The following EP400 variants were observed in gnomAD, a reference collection of about 807,000 sequenced individuals.
EP400 encodes E1A-binding protein p400.
Under a neutral mutation model 354.1 loss-of-function variants are expected in EP400, and 105 were observed. That is an observed-to-expected ratio of 0.30 (90% CI 0.25 to 0.35). The LOEUF (loss-of-function observed/expected upper bound fraction) is 0.35, where lower values mean the gene tolerates loss of function less well. EP400 is among the 10% of genes least tolerant of loss of function. The pLI, the probability that EP400 is intolerant of heterozygous loss-of-function variation, is 1.00. For synonymous variants in EP400, 1,646 were observed against 1,716.9 expected, an observed-to-expected ratio of 0.96 and a Z score of 1.02; for missense variants, 3,280 against 4,121.0, an observed-to-expected ratio of 0.80 and a Z score of 5.59.
chr12:131,998,910 T>C (rs1193372117), intron 12 of EP400, among the ~76,000 whole-genome samples: 1 of 141,424 alleles, frequency 7.1e-6, no homozygotes, highest in African/African-American at 2.5e-5. Context: ...ACAAAGTCTT[T>C]GTATACAGTC....
In EP400 at chr12:132,013,072, C is replaced by T. The variant is rs553207798; in HGVS notation, c.3505C>T (p.Leu1169Phe). 21 of 1,614,094 alleles carry T rather than the reference C, an allele frequency of 1.3e-5. No individual in the cohort carries two copies. The South Asian group carries it at 2.2e-4, about 17-fold the overall frequency. The change falls in exon 17 of 53, where the codon CTC becomes TTC. Residue 1169 changes from leucine (L) to phenylalanine (F), a missense_variant. This residue lies in a region of EP400 where 242 missense variants were observed against 357.9 expected (regional missense o/e 0.68). Transcript: ENST00000389561. The surrounding 1 kb of genome is among the most constrained non-coding windows in gnomAD (Gnocchi z 4.5). Reference sequence around the variant, plus strand: ...GTCCTACACTCAGTTCTTCCGGGGCCTCACCGCCTTCACACGAGTGCGCTG... The same window carrying T: ...GTCCTACACTCAGTTCTTCCGGGGCTTCACCGCCTTCACACGAGTGCGCTG... ...ITSYTQFFRGLTAFTRVRWKC... is the reference protein window; with the variant it reads ...ITSYTQFFRGFTAFTRVRWKC...
At chr12:132,058,285 G>C (rs60212863) in intron 45 of EP400, among the ~76,000 whole-genome samples, 19,047 of 151,712 alleles carry the variant, frequency 0.13, 1,629 homozygotes, top group African/African-American at 0.24. Flanking sequence ...AGTGGCTTCT[G>C]TGTGCTTGGC....
chr12:131,972,227 A>G (rs11246884), intron 2 of EP400, among the ~76,000 whole-genome samples: 6,316 of 150,336 alleles, frequency 0.042, 458 homozygotes, highest in African/African-American at 0.15. Flanking sequence ...ATCTCGGTTC[A>G]CCGCAAGCTC....
At chr12:131,984,321 G>A (rs1457395633) in intron 5 of EP400, among the ~76,000 whole-genome samples, 3 of 152,160 alleles carry the variant, frequency 2.0e-5, no homozygotes, top group African/African-American at 7.2e-5. Flanking sequence ...ACTGTGATGA[G>A]CGATTTATTG....
Position 132,052,616 on chromosome 12 carries a change from A to G in EP400, c.7395-530A>G, listed in dbSNP as rs1377861676. ...TGATGTGAGTGCTGTGATCGCTGGG[A>G]CTCTAGCGTCTGGGAGCACAGACCC... On this transcript the variant is annotated intron_variant, in intron 41 of 52. Transcript: ENST00000389561. The surrounding 1 kb of genome is among the most constrained non-coding windows in gnomAD (Gnocchi z 4.4). Among the ~76,000 whole-genome samples, 1 of 152,074 alleles carries G rather than the reference A, an allele frequency of 6.6e-6. No homozygotes were observed. The highest frequency in any genetic ancestry group is 1.9e-4 in the East Asian group (1 of 5,186).
chr12:132,025,767 G>A lies in EP400; in HGVS notation c.4977G>A (p.Pro1659=), dbSNP rs113935522. The part of the protein sequence containing the change: ...AVHGALGSKP[P]AGGPSPAPLT... ...ACGGCGCCCTGGGAAGCAAGCCCCC[G>A]GCCGGCGGTCCCAGCCCTGCACCCT... Residue 1659 remains proline, a synonymous_variant, in exon 25 of 53, where the codon CCG becomes CCA. Coordinates refer to ENST00000389561, the MANE Select transcript of EP400 (RefSeq NM_015409.5). This position sits in a 1 kb window ranked among gnomAD's most constrained non-coding sequence, Gnocchi z 4.1. 735 of 1,611,784 alleles carry A rather than the reference G, an allele frequency of 4.6e-4. 9 individuals are homozygous for A. The Middle Eastern group carries it at 0.022, about 48-fold the overall frequency.
chr12:132,003,762 A>G (rs571252101), intron 12 of EP400, among the ~76,000 whole-genome samples: 1 of 152,348 alleles, frequency 6.6e-6, no homozygotes, highest in East Asian at 1.9e-4. Flanking sequence ...CCTGAATTCC[A>G]CAGCCAACAC....
intron 1 of EP400, among the ~76,000 whole-genome samples, chr12:131,958,780 C>G (rs1251688403): frequency 6.6e-6 from 1 of 152,144 alleles, no homozygotes; most frequent in Non-Finnish European, 1.5e-5. Context: ...CTCAGCCTCC[C>G]CAGGTGCTGG....
intron 39 of EP400, among the ~76,000 whole-genome samples, chr12:132,049,162 C>T (rs1895211812): frequency 6.6e-6 from 1 of 152,222 alleles, no homozygotes; most frequent in Non-Finnish European, 1.5e-5. Context: ...CCTGCGGGGG[C>T]TCCAGCAAGC....
Position 132,067,011 on chromosome 12 carries a change from G to A in EP400, c.8749+42G>A, listed in dbSNP as rs749206965. On this transcript the variant is annotated intron_variant, in intron 49 of 52. Coordinates refer to ENST00000389561, the MANE Select transcript of EP400 (RefSeq NM_015409.5). The surrounding 1 kb of genome is among the most constrained non-coding windows in gnomAD (Gnocchi z 5.3). ...ACCCTCCCGTCCTGGGCTTGAGCCT[G>A]GTTTCACAGGCCTCTCTGGTGGCAG... The A allele has an allele frequency of 2.0e-6, 3 of 1,514,468 alleles. No individual in the cohort carries two copies. In the South Asian group the frequency reaches 3.9e-5, roughly 20 times the overall value. The allele number at this position is 1,514,468 out of a possible 1,614,324, so 93.8% of individuals were successfully genotyped here. A position where few individuals can be genotyped will look rare whatever the true frequency, so the allele number is the denominator to read the frequency against.
chr12:132,060,615 G>A lies in EP400; in HGVS notation c.7885-1495G>A, dbSNP rs189436156. Among the ~76,000 whole-genome samples, 23 of 152,240 alleles carry A rather than the reference G, an allele frequency of 1.5e-4. 1 individual carries two copies. The highest frequency in any genetic ancestry group is 5.1e-4 in the African/African-American group (21 of 41,548). ...AGCCTAGGGCTCTGCATCTCTTGGA[G>A]ATATCTTAAAGAACAAGGGAGGCCG... On this transcript the variant is annotated intron_variant, in intron 45 of 52. Coordinates refer to ENST00000389561, the MANE Select transcript of EP400 (RefSeq NM_015409.5).
chr12:132,019,030 A>T (rs1177308925), intron 21 of EP400, among the ~76,000 whole-genome samples: 1 of 152,138 alleles, frequency 6.6e-6, no homozygotes, highest in African/African-American at 2.4e-5. Context: ...ATTTGGCTTC[A>T]CTGGGGACTT....
intron 30 of EP400, among the ~76,000 whole-genome samples, chr12:132,034,479 G>C (rs1894627017): frequency 6.6e-6 from 1 of 152,250 alleles, no homozygotes; most frequent in Admixed American, 6.5e-5. Flanking sequence ...CACACACACG[G>C]TTGGGTAAGG....
Position 132,025,210 on chromosome 12 carries a change from C to T in EP400, c.4856-436C>T, listed in dbSNP as rs1894265100. On this transcript the variant is annotated intron_variant, in intron 24 of 52. Coordinates refer to ENST00000389561, the MANE Select transcript of EP400 (RefSeq NM_015409.5). This position sits in a 1 kb window ranked among gnomAD's most constrained non-coding sequence, Gnocchi z 4.1. ...GTAAAAGAAGTCAGAAAGATGTAGT[C>T]ACACAAGATCCAAAGTGGCAGCCTC... is the stretch of plus-strand genomic sequence containing the variant. Among the ~76,000 whole-genome samples, 1 of 152,160 alleles carries T rather than the reference C, an allele frequency of 6.6e-6. No individual in the cohort carries two copies. The highest frequency in any genetic ancestry group is 2.4e-5 in the African/African-American group (1 of 41,450).
At position 132,013,953 on chromosome 12, in the gene EP400, C is replaced by T; in HGVS notation, c.3923+40C>T. The T allele has an allele frequency of 6.2e-7, 1 of 1,603,102 alleles. No homozygotes were observed. The highest frequency in any genetic ancestry group is 1.1e-5 in the South Asian group (1 of 89,370). On this transcript the variant is annotated intron_variant, in intron 19 of 52. Coordinates refer to ENST00000389561, the MANE Select transcript of EP400 (RefSeq NM_015409.5). This position sits in a 1 kb window ranked among gnomAD's most constrained non-coding sequence, Gnocchi z 4.5. Reference sequence around the variant, plus strand: ...TGGGCATGTGCCCCCTTTGCTGTCCCTGCCTGTGAGGGAAAACGGCCCTTT... The same window carrying T: ...TGGGCATGTGCCCCCTTTGCTGTCCTTGCCTGTGAGGGAAAACGGCCCTTT...
intron 1 of EP400, among the ~76,000 whole-genome samples, chr12:131,951,283 C>A (rs976882118): frequency 1.1e-4 from 16 of 151,334 alleles, no homozygotes; most frequent in African/African-American, 3.6e-4. Flanking sequence ...AACTCCTGAG[C>A]TCAGGCAGTC....
At position 132,067,014 on chromosome 12, in the gene EP400, T is replaced by A; in HGVS notation, c.8749+45T>A. On this transcript the variant is annotated intron_variant, in intron 49 of 52. Coordinates refer to ENST00000389561, the MANE Select transcript of EP400 (RefSeq NM_015409.5). This position sits in a 1 kb window ranked among gnomAD's most constrained non-coding sequence, Gnocchi z 5.3. ...CTCCCGTCCTGGGCTTGAGCCTGGT[T>A]TCACAGGCCTCTCTGGTGGCAGTGG... 1 of 1,508,020 alleles carries A rather than the reference T, an allele frequency of 6.6e-7. No homozygotes were observed. The highest frequency in any genetic ancestry group is 8.8e-7 in the Non-Finnish European group (1 of 1,132,008). The allele number at this position is 1,508,020 out of a possible 1,614,324, so 93.4% of individuals were successfully genotyped here. A position where few individuals can be genotyped will look rare whatever the true frequency, so the allele number is the denominator to read the frequency against.
intron 5 of EP400, among the ~76,000 whole-genome samples, chr12:131,985,433 C>T (rs1484941684): frequency 1.3e-5 from 2 of 152,034 alleles, no homozygotes; most frequent in African/African-American, 2.4e-5. Flanking sequence ...CGTCGTGGGA[C>T]GGGCGCTCAG....
At chr12:131,960,016 G>A (rs1302433854) in intron 1 of EP400, among the ~76,000 whole-genome samples, 1 of 152,198 alleles carries the variant, frequency 6.6e-6, no homozygotes, top group Non-Finnish European at 1.5e-5. Flanking sequence ...TGCTTCTGGC[G>A]AGGTGGTGCT....
Sources: gnomAD v4.1 joint callset for allele counts (sites outside exome capture counted in the v4.1 genomes callset) on GRCh38, gnomAD v4.1.1 for gene constraint, gnomAD v4.1.1 regional missense constraint, Gnocchi (gnomAD v3.1) non-coding constraint, MANE v1.5 for transcripts, NCBI Gene and HGNC (gene_info 2026-07-23, HGNC 2026-07-21) for gene names.